Variants in EYS observed in about 807,000 individuals in gnomAD.
The protein encoded by EYS is EGF-like photoreceptor maintenance factor.
Under a neutral mutation model 282.1 loss-of-function variants are expected in EYS, and 250 were observed. The observed-to-expected ratio is 0.89, with a 90% CI of 0.80 to 0.98. The LOEUF (loss-of-function observed/expected upper bound fraction) is 0.98. Ranked by LOEUF, EYS falls within the 50% of genes least tolerant of loss-of-function variation. The pLI, the probability that EYS is intolerant of heterozygous loss-of-function variation, is 0.00. For missense variants in EYS, 4,016 were observed against 3,709.0 expected (o/e 1.08, Z -2.15); for synonymous variants, 1,355 against 1,282.9 (o/e 1.06, Z -1.20).
intron 1 of EYS, among the ~76,000 whole-genome samples, chr6:65,676,175 A>G (rs1212807963): frequency 1.3e-5 from 2 of 151,976 alleles, no homozygotes; most frequent in East Asian, 3.9e-4. Context: ...ATAAGAAACT[A>G]GAAAAAGAAG....
intron 31 of EYS, among the ~76,000 whole-genome samples, chr6:64,113,092 T>C (rs912928567): frequency 1.3e-5 from 2 of 152,154 alleles, no homozygotes; most frequent in African/African-American, 4.8e-5. Context: ...ACAAAAAGTT[T>C]ATCATAGACA....
At chr6:64,376,993 G>A (rs1246065306) in intron 29 of EYS, among the ~76,000 whole-genome samples, 1 of 152,004 alleles carries the variant, frequency 6.6e-6, no homozygotes, top group Admixed American at 6.6e-5. Flanking sequence ...TTTCATTAAT[G>A]CATAAGATCC....
intron 35 of EYS, among the ~76,000 whole-genome samples, chr6:63,940,023 G>A (rs900721438): frequency 2.0e-5 from 3 of 152,196 alleles, no homozygotes; most frequent in African/African-American, 7.2e-5. Context: ...AAAATGCGAT[G>A]TGACCTAACC....
chr6:65,216,695 T>C lies in EYS; in HGVS notation c.2023+79168A>G, dbSNP rs541672171. ...AATATAAAAAATAATTTTAAAATGA[T>C]GTGATCAGTCATCAAAAGCATCTGA... is the stretch of plus-strand genomic sequence containing the variant. On this transcript the variant is annotated intron_variant, in intron 12 of 42. Transcript: ENST00000503581. Among the ~76,000 whole-genome samples the C allele has an allele frequency of 2.0e-5, 3 of 151,882 alleles. No homozygotes were observed. In the East Asian group the frequency reaches 5.8e-4, roughly 29 times the overall value.
intron 30 of EYS, 54 bp downstream of exon 30, chr6:64,306,916 T>C: frequency 1.2e-6 from 1 of 843,142 alleles, no homozygotes; most frequent in Non-Finnish European, 1.9e-6. Context: ...AAATGATATC[T>C]TTTGGTGTGG....
intron 30 of EYS, among the ~76,000 whole-genome samples, chr6:64,235,002 C>G (rs371632776): frequency 6.6e-6 from 1 of 151,900 alleles, no homozygotes; most frequent in Non-Finnish European, 1.5e-5. Flanking sequence ...CACAGCCTCC[C>G]GAGTAGCTGG....
intron 19 of EYS, among the ~76,000 whole-genome samples, chr6:64,878,756 G>GT (rs1766827659): frequency 2.1e-5 from 3 of 143,830 alleles, no homozygotes; most frequent in Admixed American, 2.1e-4. Flanking sequence ...GGGAAATAAG[G>GT]ATTTTTTTTT....
intron 5 of EYS, among the ~76,000 whole-genome samples, chr6:65,411,561 T>C (rs999398789): frequency 7.9e-6 from 1 of 125,802 alleles, no homozygotes; most frequent in Non-Finnish European, 1.8e-5. Context: ...ATCACCACTA[T>C]AAAAATGTGA....
intron 30 of EYS, 53 bp from the exon 31 acceptor site, chr6:64,230,877 C>G: frequency 2.8e-6 from 3 of 1,068,260 alleles, no homozygotes; most frequent in Non-Finnish European, 4.0e-6. Flanking sequence ...GCACTAGGAA[C>G]ATAAATAGAA....
In EYS at chr6:64,892,741, G is replaced by A. The variant is rs145383086; in HGVS notation, c.2847-5899C>T. Among the ~76,000 whole-genome samples the A allele has an allele frequency of 1.2e-4, 19 of 152,170 alleles. No homozygotes were observed. The East Asian group carries it at 3.7e-3, about 29-fold the overall frequency. On this transcript the variant is annotated intron_variant, in intron 18 of 42. Transcript: ENST00000503581. ...GTTTTTATTATAATTGCATGTGGGT[G>A]TGAATCTGATTTGAAACAGTGATGT...
At chr6:64,137,668 C>T (rs1332852149) in intron 31 of EYS, among the ~76,000 whole-genome samples, 1 of 152,046 alleles carries the variant, frequency 6.6e-6, no homozygotes, top group East Asian at 1.9e-4. Flanking sequence ...GTGGAACAGT[C>T]AGAACACTCA....
chr6:64,973,161 GC>G (rs1770355012), intron 14 of EYS, among the ~76,000 whole-genome samples: 2 of 151,930 alleles, frequency 1.3e-5, no homozygotes, highest in Admixed American at 6.6e-5. Flanking sequence ...AAGTAAAATT[GC>G]CCAATATTCT....
chr6:64,148,472 C>G (rs1409362541), intron 31 of EYS, among the ~76,000 whole-genome samples: 3 of 152,078 alleles, frequency 2.0e-5, no homozygotes, highest in Non-Finnish European at 2.9e-5. Flanking sequence ...TTCCCTGATC[C>G]AGCAGCCCAG....
intron 41 of EYS, among the ~76,000 whole-genome samples, chr6:63,737,130 T>A (rs1240927241): frequency 5.3e-5 from 8 of 151,436 alleles, no homozygotes; most frequent in African/African-American, 1.9e-4. Flanking sequence ...CTATGTTGAA[T>A]AGGAGTGGTG....
At chr6:65,330,931 G>A in intron 11 of EYS, 2 of 983,592 alleles carry the variant, frequency 2.0e-6, no homozygotes, top group East Asian at 1.1e-4. Flanking sequence ...AAAGAACCCT[G>A]TATGTTCAAA....
At chr6:64,483,568 G>A (rs1582808693) in intron 26 of EYS, among the ~76,000 whole-genome samples, 1 of 151,606 alleles carries the variant, frequency 6.6e-6, no homozygotes, top group Non-Finnish European at 1.5e-5. Flanking sequence ...CCTTCTCTCT[G>A]GTGACCCCCA....
At chr6:65,175,327 G>C (rs114495606) in intron 12 of EYS, among the ~76,000 whole-genome samples, 1 of 151,452 alleles carries the variant, frequency 6.6e-6, no homozygotes, top group Non-Finnish European at 1.5e-5. Flanking sequence ...ATGTGCTTAA[G>C]CTATAGTAAA....
chr6:65,155,132 G>A (rs1764702741), intron 12 of EYS, among the ~76,000 whole-genome samples: 1 of 151,512 alleles, frequency 6.6e-6, no homozygotes, highest in Non-Finnish European at 1.5e-5. Context: ...CAGAATTACA[G>A]AAGGGTAGCA....
At position 65,528,400 on chromosome 6, in the gene EYS, T is replaced by A. The variant is rs182089455; in HGVS notation, c.-332-32407A>T. Among the ~76,000 whole-genome samples the A allele has an allele frequency of 4.6e-3, 697 of 152,338 alleles. 6 individuals carry two copies. The highest frequency in any genetic ancestry group is 0.015 in the African/African-American group (640 of 41,582). ...TACAATGAGGATCTATGATGGATGT[T>A]ATCTACTATGGTTTGAATGTCTGTT... is the stretch of plus-strand genomic sequence containing the variant. On this transcript the variant is annotated intron_variant, in intron 2 of 42. Coordinates refer to ENST00000503581, the MANE Select transcript of EYS (RefSeq NM_001142800.2).
Sources: gnomAD v4.1 joint callset for allele counts (sites outside exome capture counted in the v4.1 genomes callset) on GRCh38, gnomAD v4.1.1 for gene constraint, MANE v1.5 for transcripts, NCBI Gene and HGNC (gene_info 2026-07-23, HGNC 2026-07-21) for gene names.